Variants in LRRIQ3 observed in about 807,000 individuals in gnomAD.
LRRIQ3 encodes the protein leucine-rich repeat and IQ domain-containing protein 3.
A neutral mutation model predicts 59.3 loss-of-function variants in LRRIQ3; 75 were observed. The ratio of observed to expected loss-of-function variants is 1.26; its 90% CI spans 1.05 to 1.53. The LOEUF is 1.53. Ranked by LOEUF, LRRIQ3 falls within the 40% of genes most tolerant of loss-of-function variation. The pLI, the probability that LRRIQ3 is intolerant of heterozygous loss-of-function variation, is 0.00. For missense variants in LRRIQ3, 831 were observed against 710.0 expected (o/e 1.17, Z -1.94); for synonymous variants, 250 against 231.3 (o/e 1.08, Z -0.73).
intron 1 of LRRIQ3, among the ~76,000 whole-genome samples, chr1:74,192,091 A>G (rs926546271): frequency 2.0e-5 from 3 of 152,116 alleles, no homozygotes; most frequent in Non-Finnish European, 4.4e-5. Flanking sequence ...AATGTAAAGC[A>G]TCTAACCATT....
chr1:74,117,749 G>A (rs1428323933), intron 4 of LRRIQ3, among the ~76,000 whole-genome samples: 1 of 152,096 alleles, frequency 6.6e-6, no homozygotes, highest in African/African-American at 2.4e-5. Context: ...CTGGGTGACA[G>A]AGCAAGTTTG....
At chr1:74,145,695 T>A (rs1224651831) in intron 4 of LRRIQ3, among the ~76,000 whole-genome samples, 1 of 152,134 alleles carries the variant, frequency 6.6e-6, no homozygotes, top group African/African-American at 2.4e-5. Flanking sequence ...CACTAAAATA[T>A]AATGAATTAC....
chr1:74,104,866 T>G (rs1403373387), intron 5 of LRRIQ3, among the ~76,000 whole-genome samples: 2 of 151,986 alleles, frequency 1.3e-5, no homozygotes, highest in Non-Finnish European at 2.9e-5. Context: ...TTTAATAAAT[T>G]TACCACTGTG....
At chr1:74,189,966 A>G (rs767428827) in intron 1 of LRRIQ3, among the ~76,000 whole-genome samples, 2 of 152,164 alleles carry the variant, frequency 1.3e-5, no homozygotes, top group East Asian at 3.8e-4. Flanking sequence ...AAGATAAAAT[A>G]TATGCTTCAA....
intron 1 of LRRIQ3, among the ~76,000 whole-genome samples, chr1:74,189,378 A>C (rs1650610415): frequency 6.6e-6 from 1 of 152,186 alleles, no homozygotes. Flanking sequence ...TAAGTACAGA[A>C]AAAGGAAATG....
At chr1:74,152,971 A>G (rs1026231093) in intron 4 of LRRIQ3, among the ~76,000 whole-genome samples, 1 of 152,202 alleles carries the variant, frequency 6.6e-6, no homozygotes, top group African/African-American at 2.4e-5. Flanking sequence ...TTCATCTGTA[A>G]AACAGAAAAT....
At chr1:74,057,413 A>G (rs1654569208) in intron 6 of LRRIQ3, among the ~76,000 whole-genome samples, 1 of 152,148 alleles carries the variant, frequency 6.6e-6, no homozygotes, top group African/African-American at 2.4e-5. Context: ...AGATCAGTGG[A>G]ACATAATAGA....
intron 6 of LRRIQ3, among the ~76,000 whole-genome samples, chr1:74,056,749 T>A (rs1260627843): frequency 1.3e-5 from 2 of 152,176 alleles, no homozygotes; most frequent in Non-Finnish European, 2.9e-5. Flanking sequence ...CCTGTGTTCA[T>A]GGATTGTCAG....
At chr1:74,153,835 G>A (rs1480915160) in intron 4 of LRRIQ3, among the ~76,000 whole-genome samples, 2 of 152,130 alleles carry the variant, frequency 1.3e-5, no homozygotes, top group Admixed American at 6.5e-5. Flanking sequence ...GATTAAATTT[G>A]TATTTTTGAA....
At chr1:74,173,142 A>G (rs990157594) in intron 3 of LRRIQ3, among the ~76,000 whole-genome samples, 1 of 151,958 alleles carries the variant, frequency 6.6e-6, no homozygotes, top group African/African-American at 2.4e-5. Flanking sequence ...CTAAAAATAC[A>G]AAAAATCAGC....
chr1:74,134,423 A>C (rs985029344), intron 4 of LRRIQ3, among the ~76,000 whole-genome samples: 1 of 152,082 alleles, frequency 6.6e-6, no homozygotes, highest in Non-Finnish European at 1.5e-5. Flanking sequence ...GATTGAAGTG[A>C]CATCAGACAG....
At chr1:74,087,677 T>C (rs560005396) in intron 5 of LRRIQ3, among the ~76,000 whole-genome samples, 1 of 152,200 alleles carries the variant, frequency 6.6e-6, no homozygotes, top group South Asian at 2.1e-4. Context: ...TATCTATAAA[T>C]TTGTGTGAGT....
chr1:74,100,157 C>G (rs531618936), intron 5 of LRRIQ3, among the ~76,000 whole-genome samples: 89 of 152,138 alleles, frequency 5.8e-4, no homozygotes, highest in African/African-American at 2.1e-3. Context: ...TCTAGAAAAC[C>G]CCATCGTCTC....
At chr1:74,068,524 G>T (rs145181767) in intron 6 of LRRIQ3, among the ~76,000 whole-genome samples, 1 of 152,138 alleles carries the variant, frequency 6.6e-6, no homozygotes, top group Non-Finnish European at 1.5e-5. Flanking sequence ...TATGGTACCG[G>T]TGCTTATAAT....
chr1:74,152,506 G>A (rs1437700564), intron 4 of LRRIQ3, among the ~76,000 whole-genome samples: 1 of 152,008 alleles, frequency 6.6e-6, no homozygotes, highest in Non-Finnish European at 1.5e-5. Context: ...GTATATTGTA[G>A]GATTAAGCTA....
chr1:74,192,121 T>C (rs1309434327), intron 1 of LRRIQ3, among the ~76,000 whole-genome samples: 1 of 152,088 alleles, frequency 6.6e-6, no homozygotes, highest in African/African-American at 2.4e-5. Flanking sequence ...TTCACATGTT[T>C]AGTGAAGAGT....
At chr1:74,136,932 A>T (rs1647134050) in intron 4 of LRRIQ3, among the ~76,000 whole-genome samples, 1 of 151,956 alleles carries the variant, frequency 6.6e-6, no homozygotes, top group Non-Finnish European at 1.5e-5. Context: ...CTTTATTTAT[A>T]TCTTCAAGCA....
chr1:74,066,187 G>GAAAAAAAAAAAAAAAAAAAAAAAAA (rs71772871), intron 6 of LRRIQ3, among the ~76,000 whole-genome samples: 1 of 119,886 alleles, frequency 8.3e-6, no homozygotes. Flanking sequence ...ACTCTGTCTC[G>GAAAAAAAAAAAAAAAAAAAAAAAAA]AAAAAAAAAA....
At chr1:74,045,296 C>A (rs944624350) in intron 6 of LRRIQ3, among the ~76,000 whole-genome samples, 1 of 152,080 alleles carries the variant, frequency 6.6e-6, no homozygotes, top group African/African-American at 2.4e-5. Flanking sequence ...GAGATGCAAG[C>A]CTTGTTCAAC....
Sources: gnomAD v4.1 joint callset for allele counts (sites outside exome capture counted in the v4.1 genomes callset) on GRCh38, gnomAD v4.1.1 for gene constraint, MANE v1.5 for transcripts, NCBI Gene and HGNC (gene_info 2026-07-23, HGNC 2026-07-21) for gene names.